Variants in PCDHGB5 observed in about 807,000 individuals in gnomAD.
PCDHGB5 encodes protocadherin gamma subfamily B, 5.
In PCDHGB5, 48 loss-of-function variants were observed where a neutral mutation model predicts 62.9. The ratio of observed to expected loss-of-function variants is 0.76; its 90% confidence interval spans 0.61 to 0.97. PCDHGB5 has a LOEUF of 0.97. Among genes scored for constraint, PCDHGB5 ranks in the 50% least tolerant of loss-of-function variants. The pLI is 0.00. For missense variants in PCDHGB5, 1,118 were observed against 1,198.6 expected (o/e 0.93, Z 0.99); for synonymous variants, 474 against 511.2 (o/e 0.93, Z 0.98).
intron 1 of PCDHGB5, among the ~76,000 whole-genome samples, chr5:141,472,145 A>G (rs1376068421): frequency 6.6e-6 from 1 of 152,244 alleles, no homozygotes; most frequent in Non-Finnish European, 1.5e-5. Flanking sequence ...TAAAAGTTTC[A>G]TGGTTACATA....
At position 141,489,094 on chromosome 5, in the gene PCDHGB5, G is replaced by GAAA. The variant is rs2154581134; in HGVS notation, c.2398-5711_2398-5710insAAA. On this transcript the variant is annotated intron_variant, in intron 1 of 3. Coordinates refer to ENST00000617380, the MANE Select transcript of PCDHGB5 (RefSeq NM_018925.3). The surrounding 1 kb of genome is among the most constrained non-coding windows in gnomAD (Gnocchi z 4.5). ...CCCACCCCCGCCACTCGGTGACTAA[G>GAAA]AACTGCTGCAAGCAGGCAAACCTCC... The GAAA allele has an allele frequency of 5.1e-6, 2 of 396,028 alleles. No homozygotes were observed. Among genetic ancestry groups the GAAA allele is most frequent in the South Asian group, 4.8e-5 (1 of 20,814 alleles). The allele number at this position is 396,028 out of a possible 1,614,324, so 24.5% of individuals were successfully genotyped here.
chr5:141,494,115 GC>G (rs1445167222), intron 1 of PCDHGB5, among the ~76,000 whole-genome samples: 1 of 152,186 alleles, frequency 6.6e-6, no homozygotes, highest in African/African-American at 2.4e-5. Context: ...AGACAGAGCA[GC>G]CTTGTTCTCT....
chr5:141,429,765 T>C (rs897963458), intron 1 of PCDHGB5, among the ~76,000 whole-genome samples: 1 of 152,230 alleles, frequency 6.6e-6, no homozygotes, highest in East Asian at 1.9e-4. Flanking sequence ...TTTCCCTATA[T>C]TTTGATGGGC....
chr5:141,427,391 A>G (rs942653386), intron 1 of PCDHGB5: 3 of 459,818 alleles, frequency 6.5e-6, no homozygotes, highest in Non-Finnish European at 1.3e-5. Context: ...TGTTCAAAAC[A>G]CATGATAAAG....
At position 141,431,363 on chromosome 5, in the gene PCDHGB5, C is replaced by T. The variant is rs765751691; in HGVS notation, c.2397+30839C>T. On this transcript the variant is annotated intron_variant, in intron 1 of 3. Transcript: ENST00000617380. The surrounding 1 kb of genome is among the most constrained non-coding windows in gnomAD (Gnocchi z 4.8). The stretch of plus-strand genomic sequence containing the variant: ...ATTGGTGCTGAAACGCGCCCTGGAC[C>T]GCGAAGAAAAGGCTGCTCACCACCT... 1 of 1,614,024 alleles carries T rather than the reference C, an allele frequency of 6.2e-7. No homozygotes were observed. The highest frequency in any genetic ancestry group is 2.2e-5 in the East Asian group (1 of 44,882).
intron 1 of PCDHGB5, chr5:141,441,799 G>C (rs546770596): frequency 2.6e-6 from 1 of 385,350 alleles, no homozygotes; most frequent in Non-Finnish European, 5.2e-6. Context: ...AACGCACCGC[G>C]GGTGCTGTAC....
intron 1 of PCDHGB5, chr5:141,410,288 T>G: frequency 6.2e-7 from 1 of 1,614,044 alleles, no homozygotes; most frequent in Non-Finnish European, 8.5e-7. Context: ...GGTGGTGGCC[T>G]TGGCCTTAAT....
At position 141,402,911 on chromosome 5, in the gene PCDHGB5, C is replaced by CT. The variant is rs2094320554; in HGVS notation, c.2397+2387_2397+2388insT. 6 of 1,551,858 alleles carry CT rather than the reference C, an allele frequency of 3.9e-6. No homozygotes were observed. In the African/African-American group the frequency reaches 8.2e-5, roughly 21 times the overall value. ...GAAGAAAGAACCTGATGAAGCAGCG[C>CT]GCACAGAGATCCTTTTGAGAAAATT... On this transcript the variant is annotated intron_variant, in intron 1 of 3. Coordinates refer to ENST00000617380, the MANE Select transcript of PCDHGB5 (RefSeq NM_018925.3).
At chr5:141,440,399 A>T (rs1215824479) in intron 1 of PCDHGB5, 1 of 152,164 alleles carries the variant, frequency 6.6e-6, no homozygotes, top group Non-Finnish European at 1.5e-5. Context: ...CCGAGAGGCA[A>T]TCGCACCACT....
chr5:141,475,128 C>T (rs775275292), intron 1 of PCDHGB5, among the ~76,000 whole-genome samples: 3 of 151,894 alleles, frequency 2.0e-5, no homozygotes, highest in Non-Finnish European at 4.4e-5. Context: ...GGCTTTTTTT[C>T]TTTTTGAAAT....
intron 1 of PCDHGB5, among the ~76,000 whole-genome samples, chr5:141,470,752 C>T (rs1427502169): frequency 6.6e-6 from 1 of 152,178 alleles, no homozygotes; most frequent in Non-Finnish European, 1.5e-5. Flanking sequence ...GGCTGGAGTG[C>T]AGTGGACTCA....
intron 1 of PCDHGB5, chr5:141,414,410 G>A (rs1216701146): frequency 1.2e-6 from 2 of 1,613,856 alleles, no homozygotes; most frequent in Non-Finnish European, 1.7e-6. Context: ...GTGATACACA[G>A]AGCCCTTGAC....
intron 1 of PCDHGB5, chr5:141,441,834 C>T (rs370689467): frequency 2.6e-5 from 9 of 352,638 alleles, no homozygotes; most frequent in Non-Finnish European, 3.9e-5. Flanking sequence ...GCAATGGCTT[C>T]GCGCTCTTGG....
rs1415142555 is a variant in PCDHGB5, at chr5:141,476,011, A to G, written c.2398-18796A>G. The G allele has an allele frequency of 7.6e-7, 1 of 1,311,282 alleles. No individual in the cohort carries two copies. The highest frequency in any genetic ancestry group is 1.0e-6 in the Non-Finnish European group (1 of 962,238). 81.2% of individuals were successfully genotyped at this position (1,311,282 alleles called of 1,614,324 possible). ...GCAAATCAACGGCATCCAGAAAGCC[A>G]TGTCGGACTCGGCGCCCAGCGCCCA... On this transcript the variant is annotated intron_variant, in intron 1 of 3. Coordinates refer to ENST00000617380, the MANE Select transcript of PCDHGB5 (RefSeq NM_018925.3). This position sits in a 1 kb window ranked among gnomAD's most constrained non-coding sequence, Gnocchi z 7.6.
intron 1 of PCDHGB5, chr5:141,441,986 C>A (rs2098288559): frequency 1.1e-5 from 3 of 269,098 alleles, no homozygotes; most frequent in South Asian, 7.5e-5. Context: ...GAATGCGCAC[C>A]GACGAGGTGC....
At chr5:141,400,766 C>T in intron 1 of PCDHGB5, 1 of 577,074 alleles carries the variant, frequency 1.7e-6, no homozygotes, top group South Asian at 2.3e-5. Context: ...CTAGCAAAAA[C>T]ATTTGGTGCG....
chr5:141,451,593 C>A (rs2098719809), intron 1 of PCDHGB5, among the ~76,000 whole-genome samples: 1 of 152,042 alleles, frequency 6.6e-6, no homozygotes, highest in African/African-American at 2.4e-5. Context: ...TTGAAAGTGA[C>A]ATACAAGGCT....
At chr5:141,495,209 C>T (rs548415564) in intron 2 of PCDHGB5, among the ~76,000 whole-genome samples, 1 of 152,342 alleles carries the variant, frequency 6.6e-6, no homozygotes, top group Admixed American at 6.5e-5. Flanking sequence ...GCCTAACCCC[C>T]TCCCCTGAGT....
At position 141,431,918 on chromosome 5, in the gene PCDHGB5, C is replaced by T; in HGVS notation, c.2397+31394C>T. On this transcript the variant is annotated intron_variant, in intron 1 of 3. Transcript: ENST00000617380. This position sits in a 1 kb window ranked among gnomAD's most constrained non-coding sequence, Gnocchi z 4.8. Reference sequence around the variant, plus strand: ...AAACGGACAGGTGATCTGTTTCATCCAAGGAAATCTGCCCTTTAAATTAGA... The same window carrying T: ...AAACGGACAGGTGATCTGTTTCATCTAAGGAAATCTGCCCTTTAAATTAGA... The T allele has an allele frequency of 6.2e-7, 1 of 1,613,998 alleles. No individual in the cohort carries two copies. The highest frequency in any genetic ancestry group is 8.5e-7 in the Non-Finnish European group (1 of 1,179,862).
Sources: allele counts gnomAD v4.1 joint callset (sites outside exome capture counted in the v4.1 genomes callset), GRCh38; gene constraint gnomAD v4.1.1; non-coding constraint Gnocchi (gnomAD v3.1); transcripts MANE v1.5; gene names NCBI Gene and HGNC (gene_info 2026-07-23, HGNC 2026-07-21).